Variants in UGT1A7 observed in about 807,000 individuals in gnomAD.
UGT1A7 encodes UDP glucuronosyltransferase family 1 member A7.
A neutral mutation model predicts 45.6 loss-of-function variants in UGT1A7; 33 were observed. The ratio of observed to expected loss-of-function variants is 0.72; its 90% CI spans 0.55 to 0.97. The LOEUF is 0.97. Among genes scored for constraint, UGT1A7 ranks in the 50% least tolerant of loss-of-function variants. UGT1A7 has a pLI of 0.00. For synonymous variants in UGT1A7, 274 were observed against 250.6 expected, an observed-to-expected ratio of 1.09 and a Z score of -0.88; for missense variants, 684 against 666.2, an observed-to-expected ratio of 1.03 and a Z score of -0.29.
chr2:233,755,023 AG>A (rs1475271740), intron 1 of UGT1A7: 1 of 1,305,718 alleles, frequency 7.7e-7, no homozygotes, highest in African/African-American at 1.5e-5. Context: ...GGGTCCTTGA[AG>A]GGCCTGCCGC....
chr2:233,758,832 A>G (rs1444502307), intron 1 of UGT1A7, among the ~76,000 whole-genome samples: 2 of 152,162 alleles, frequency 1.3e-5, no homozygotes, highest in Non-Finnish European at 2.9e-5. Context: ...CCCCAAAAAG[A>G]GTGTAATACT....
chr2:233,767,705 C>T, intron 2 of UGT1A7, 144 bp from the exon 3 acceptor site: 1 of 1,520,160 alleles, frequency 6.6e-7, no homozygotes, highest in Non-Finnish European at 8.8e-7. Context: ...TGCCAGTCCT[C>T]AGAAGCCTTC....
intron 1 of UGT1A7, among the ~76,000 whole-genome samples, chr2:233,739,884 T>C (rs1299319141): frequency 6.6e-6 from 1 of 151,956 alleles, no homozygotes; most frequent in Non-Finnish European, 1.5e-5. Context: ...ACTGTGTGTT[T>C]CCACCCAAAT....
rs750401894 is a variant in UGT1A7, at chr2:233,768,320, T to G, written c.1176T>G (p.Gly392=). Residue 392 remains glycine, a synonymous_variant, in exon 4 of 5, where the codon GGT becomes GGG. Transcript: ENST00000373426. ...CCATGGTGATGATGCCCTTGTTTGG[T>G]GATCAGATGGACAATGCAAAGCGCA... ...GVPMVMMPLF[G]DQMDNAKRME... The G allele has an allele frequency of 2.5e-6, 4 of 1,614,162 alleles. No homozygotes were observed. The Admixed American group carries it at 6.7e-5, about 27-fold the overall frequency.
intron 1 of UGT1A7, among the ~76,000 whole-genome samples, chr2:233,717,070 C>T (rs1164354349): frequency 2.0e-5 from 3 of 152,106 alleles, no homozygotes; most frequent in South Asian, 4.2e-4. Context: ...GTGCCAGACA[C>T]GTAACCAGAA....
intron 1 of UGT1A7, among the ~76,000 whole-genome samples, chr2:233,745,719 G>A (rs946550839): frequency 2.7e-5 from 4 of 150,636 alleles, no homozygotes; most frequent in African/African-American, 5.0e-5. Flanking sequence ...CAGAATGGCT[G>A]GAGGGTAAGA....
chr2:233,704,632 C>T (rs576550936), intron 1 of UGT1A7, among the ~76,000 whole-genome samples: 126 of 152,100 alleles, frequency 8.3e-4, no homozygotes, highest in African/African-American at 2.9e-3. Flanking sequence ...GTTATATTAA[C>T]CTTTTTGCTT....
chr2:233,719,346 A>C (rs45540231), intron 1 of UGT1A7: 4 of 1,613,698 alleles, frequency 2.5e-6, no homozygotes, highest in Non-Finnish European at 3.4e-6. Flanking sequence ...TTGGAGGTAC[A>C]TTCCATGTGA....
rs769310438 is a variant in UGT1A7 at position 233,760,575 on chromosome 2, G to A, written c.856-6459G>A. The A allele has an allele frequency of 1.1e-5, 18 of 1,614,108 alleles. No individual in the cohort carries two copies. Among genetic ancestry groups the A allele is most frequent in the Non-Finnish European group, 1.5e-5 (18 of 1,180,054 alleles). On this transcript the variant is annotated intron_variant, in intron 1 of 4. Transcript: ENST00000373426. ...TGAAAGAGTCTTTTGTTAGTCTCGG[G>A]CATAATGTTTTTGAGAATGATTCTT... is the stretch of plus-strand genomic sequence containing the variant.
chr2:233,700,944 C>T (rs1396267587), intron 1 of UGT1A7, among the ~76,000 whole-genome samples: 1 of 151,988 alleles, frequency 6.6e-6, no homozygotes, highest in Non-Finnish European at 1.5e-5. Flanking sequence ...TGTTCAATTC[C>T]CACCTATGAG....
intron 1 of UGT1A7, among the ~76,000 whole-genome samples, chr2:233,734,828 G>A (rs1303318660): frequency 6.6e-6 from 1 of 152,222 alleles, no homozygotes; most frequent in African/African-American, 2.4e-5. Flanking sequence ...GCGATTTTGA[G>A]TGAGTTTCTT....
chr2:233,729,936 G>A (rs1335744695), intron 1 of UGT1A7: 1 of 1,613,890 alleles, frequency 6.2e-7, no homozygotes, highest in Admixed American at 1.7e-5. Flanking sequence ...GGCCAATCAT[G>A]CCCAACATGG....
At chr2:233,752,692 C>T (rs973009345) in intron 1 of UGT1A7, 1 of 152,166 alleles carries the variant, frequency 6.6e-6, no homozygotes, top group African/African-American at 2.4e-5. Flanking sequence ...TTCATGTTTA[C>T]TAGTGGGGTA....
chr2:233,732,435 G>T (rs1198831061), intron 1 of UGT1A7, among the ~76,000 whole-genome samples: 2 of 152,234 alleles, frequency 1.3e-5, no homozygotes, highest in Admixed American at 6.5e-5. Flanking sequence ...GGATTTTTAT[G>T]GTTTTAGGTC....
At chr2:233,758,329 G>C (rs544542552) in intron 1 of UGT1A7, among the ~76,000 whole-genome samples, 16 of 152,342 alleles carry the variant, frequency 1.1e-4, no homozygotes, top group Non-Finnish European at 2.1e-4. Context: ...GCCTCAAAAA[G>C]CTTGGAAGCT....
chr2:233,721,778 T>C (rs1223743047), intron 1 of UGT1A7: 3 of 503,204 alleles, frequency 6.0e-6, no homozygotes, highest in African/African-American at 5.8e-5. Context: ...TTAGCATTAT[T>C]CTCTGCATTT....
At chr2:233,690,704 C>T (rs1172812286) in intron 1 of UGT1A7, 18 of 1,229,320 alleles carry the variant, frequency 1.5e-5, no homozygotes, top group African/African-American at 1.6e-5. Flanking sequence ...CTTTAGGGAT[C>T]GTCATTATGA....
chr2:233,707,397 T>C (rs911448134), intron 1 of UGT1A7, among the ~76,000 whole-genome samples: 1 of 152,214 alleles, frequency 6.6e-6, no homozygotes, highest in Non-Finnish European at 1.5e-5. Context: ...CTATTCTTTT[T>C]GATGTTCTCT....
At chr2:233,717,885 C>T (rs1165690902) in intron 1 of UGT1A7, 3 of 454,846 alleles carry the variant, frequency 6.6e-6, no homozygotes, top group South Asian at 3.1e-5. Flanking sequence ...AAAGCCTGGC[C>T]ATAATCTTCA....
Sources: gnomAD v4.1 joint callset for allele counts (sites outside exome capture counted in the v4.1 genomes callset) on GRCh38, gnomAD v4.1.1 for gene constraint, MANE v1.5 for transcripts, NCBI Gene and HGNC (gene_info 2026-07-23, HGNC 2026-07-21) for gene names.